KIAA1217: variants seen among roughly 807,000 people sequenced by gnomAD.
KIAA1217 encodes KIAA1217.
In KIAA1217, 88 loss-of-function variants were observed where a neutral mutation model predicts 163.9. That is an observed-to-expected ratio of 0.54 (90% CI 0.45 to 0.64). The LOEUF (loss-of-function observed/expected upper bound fraction) is 0.64. KIAA1217 is among the 30% of genes least tolerant of loss of function. The pLI, the probability that KIAA1217 is intolerant of heterozygous loss-of-function variation, is 0.00. For synonymous variants in KIAA1217, 903 were observed against 923.1 expected (o/e 0.98, Z 0.39); for missense variants, 2,372 against 2,475.0 (o/e 0.96, Z 0.88).
chr10:24,453,704 G>A (rs945651931), intron 5 of KIAA1217, among the ~76,000 whole-genome samples: 5 of 152,174 alleles, frequency 3.3e-5, no homozygotes, highest in African/African-American at 1.2e-4. Flanking sequence ...GTTGTTCATT[G>A]CTTGGAACCA....
chr10:24,497,089 C>T (rs2066885926), intron 8 of KIAA1217, among the ~76,000 whole-genome samples: 1 of 152,196 alleles, frequency 6.6e-6, no homozygotes, highest in Non-Finnish European at 1.5e-5. Context: ...GCCATAGCAG[C>T]CTTGTATAGT....
At chr10:23,977,756 C>A (rs1340268724) in intron 1 of KIAA1217, among the ~76,000 whole-genome samples, 4 of 152,158 alleles carry the variant, frequency 2.6e-5, no homozygotes, top group Non-Finnish European at 4.4e-5. Context: ...AATAGCTGCT[C>A]CCAATGATGT....
intron 1 of KIAA1217, among the ~76,000 whole-genome samples, chr10:23,818,350 A>AT (rs1439799080): frequency 5.8e-4 from 74 of 126,970 alleles, no homozygotes; most frequent in Admixed American, 1.9e-3. Context: ...ATATATAAAA[A>AT]AATATATATA....
intron 1 of KIAA1217, among the ~76,000 whole-genome samples, chr10:24,001,095 C>CAG (rs1261861932): frequency 1.3e-5 from 2 of 152,004 alleles, no homozygotes; most frequent in Non-Finnish European, 2.9e-5. Context: ...CACACACACA[C>CAG]AGCTGCTTTA....
intron 5 of KIAA1217, among the ~76,000 whole-genome samples, chr10:24,440,429 C>T (rs1189095967): frequency 6.6e-6 from 1 of 152,190 alleles, no homozygotes; most frequent in Non-Finnish European, 1.5e-5. Flanking sequence ...CTGTTCCTAT[C>T]ACATAGAGCC....
intron 1 of KIAA1217, among the ~76,000 whole-genome samples, chr10:24,210,415 G>A (rs1223349032): frequency 1.3e-5 from 2 of 152,130 alleles, no homozygotes; most frequent in African/African-American, 2.4e-5. Flanking sequence ...TCAGGCTACC[G>A]GGGTCAGTGG....
intron 2 of KIAA1217, among the ~76,000 whole-genome samples, chr10:24,331,514 A>G (rs2045666772): frequency 6.6e-6 from 1 of 152,246 alleles, no homozygotes; most frequent in African/African-American, 2.4e-5. Flanking sequence ...GACTTAATGA[A>G]ATTCCAGTTA....
At chr10:24,025,640 G>A (rs908716061) in intron 2 of KIAA1217, among the ~76,000 whole-genome samples, 1 of 151,680 alleles carries the variant, frequency 6.6e-6, no homozygotes, top group Admixed American at 6.6e-5. Context: ...TCCAATTCAT[G>A]AACATGGTAT....
intron 2 of KIAA1217, among the ~76,000 whole-genome samples, chr10:24,271,553 C>T (rs150816458): frequency 0.01 from 1,542 of 152,104 alleles, 14 homozygotes; most frequent in Middle Eastern, 0.017. Flanking sequence ...GAGTTCAAGA[C>T]CAGCGTGGGC....
chr10:23,782,234 T>C (rs150870670), intron 1 of KIAA1217, among the ~76,000 whole-genome samples: 26 of 152,316 alleles, frequency 1.7e-4, no homozygotes, highest in Non-Finnish European at 3.1e-4. Context: ...CTTCATTTTC[T>C]TTCATTAGTC....
At chr10:23,843,691 G>A (rs1221886899) in intron 1 of KIAA1217, among the ~76,000 whole-genome samples, 1 of 152,156 alleles carries the variant, frequency 6.6e-6, no homozygotes, top group Non-Finnish European at 1.5e-5. Flanking sequence ...TAAGATCTTT[G>A]TTGACTATGT....
intron 2 of KIAA1217, among the ~76,000 whole-genome samples, chr10:24,266,334 C>T (rs1048880895): frequency 6.6e-6 from 1 of 152,184 alleles, no homozygotes; most frequent in Non-Finnish European, 1.5e-5. Context: ...CAGCCTCAGC[C>T]TCCCAAAGTT....
intron 1 of KIAA1217, among the ~76,000 whole-genome samples, chr10:23,911,675 G>A (rs1842436128): frequency 6.6e-6 from 1 of 152,160 alleles, no homozygotes; most frequent in Non-Finnish European, 1.5e-5. Context: ...TCACCCAGTG[G>A]TTTAGCAAAG....
At chr10:24,212,104 A>T (rs569500359) in intron 1 of KIAA1217, among the ~76,000 whole-genome samples, 1 of 152,040 alleles carries the variant, frequency 6.6e-6, no homozygotes, top group Non-Finnish European at 1.5e-5. Context: ...AAAAAAAAAG[A>T]AGAGAGAGGA....
chr10:24,475,681 A>G (rs376109223), intron 6 of KIAA1217, among the ~76,000 whole-genome samples: 16 of 152,350 alleles, frequency 1.1e-4, no homozygotes, highest in African/African-American at 3.8e-4. Flanking sequence ...AATTCTAAGC[A>G]TCAAAGAAAG....
intron 1 of KIAA1217, among the ~76,000 whole-genome samples, chr10:24,000,654 G>A (rs950467712): frequency 1.3e-5 from 2 of 152,168 alleles, no homozygotes; most frequent in East Asian, 1.9e-4. Flanking sequence ...GGGCACAAGT[G>A]GTGATCTGAA....
chr10:23,774,902 C>T (rs964151574), intron 1 of KIAA1217, among the ~76,000 whole-genome samples: 5 of 152,184 alleles, frequency 3.3e-5, no homozygotes, highest in African/African-American at 1.2e-4. Flanking sequence ...AAGTTTTGAT[C>T]ATCATACATG....
At chr10:23,928,092 G>A (rs549973180) in intron 1 of KIAA1217, among the ~76,000 whole-genome samples, 1 of 152,306 alleles carries the variant, frequency 6.6e-6, no homozygotes, top group South Asian at 2.1e-4. Context: ...GTCTACCTCT[G>A]TAGGCTTGGC....
chr10:23,957,934 G>A (rs1844642118), intron 1 of KIAA1217, among the ~76,000 whole-genome samples: 1 of 152,142 alleles, frequency 6.6e-6, no homozygotes, highest in African/African-American at 2.4e-5. Context: ...TGTGTCCTCA[G>A]CACCCCACAT....
Sources: allele counts gnomAD v4.1 joint callset (sites outside exome capture counted in the v4.1 genomes callset), GRCh38; gene constraint gnomAD v4.1.1; transcripts MANE v1.5; gene names NCBI Gene and HGNC (gene_info 2026-07-23, HGNC 2026-07-21).